The following ZNF846 variants were observed in gnomAD, a reference collection of about 807,000 sequenced individuals.
The protein encoded by ZNF846 is zinc finger protein 420 pseudogene.
ZNF846 carries 15 observed loss-of-function variants against 16.0 expected under a neutral mutation model. That is an observed-to-expected ratio of 0.94 (90% CI 0.63 to 1.45). The LOEUF (loss-of-function observed/expected upper bound fraction) is 1.45. Among genes scored for constraint, ZNF846 ranks in the 40% most tolerant of loss-of-function variants. The pLI, the probability that ZNF846 is intolerant of heterozygous loss-of-function variation, is 0.00. For missense variants in ZNF846, 714 were observed against 622.3 expected (o/e 1.15, Z -1.57); for synonymous variants, 229 against 212.0 (o/e 1.08, Z -0.70).
intron 1 of ZNF846, among the ~76,000 whole-genome samples, chr19:9,765,575 A>C (rs1441552641): frequency 6.6e-6 from 1 of 152,140 alleles, no homozygotes; most frequent in Non-Finnish European, 1.5e-5. Flanking sequence ...GGGGAGGCTG[A>C]GGAAACAGAA....
At chr19:9,752,373 C>G (rs1019862221) in exon 6 of ZNF846, 8 of 304,374 alleles carry the variant, frequency 2.6e-5, no homozygotes, top group Non-Finnish European at 6.8e-6. Flanking sequence ...TTTGGGAGGC[C>G]AAGGTGGGTG....
At chr19:9,757,657 C>T (rs1334710101) in exon 6 of ZNF846, 1 of 1,613,408 alleles carries the variant, frequency 6.2e-7, no homozygotes, top group East Asian at 2.2e-5. Context: ...GGCTTTTCTC[C>T]TGTGTGCGTT....
intron 1 of ZNF846, chr19:9,774,849 A>C: frequency 6.2e-7 from 1 of 1,610,000 alleles, no homozygotes; most frequent in Non-Finnish European, 8.5e-7. Flanking sequence ...CCCCAGCCCG[A>C]GCACCCGCTT....
intron 1 of ZNF846, among the ~76,000 whole-genome samples, chr19:9,777,656 T>A (rs374173907): frequency 1.4e-5 from 2 of 139,906 alleles, no homozygotes; most frequent in African/African-American, 6.0e-5. Flanking sequence ...GGCAACAAAG[T>A]GAGACTCTGT....
chr19:9,749,415 C>A (rs757909302), downstream of ZNF846, among the ~76,000 whole-genome samples: 2 of 152,108 alleles, frequency 1.3e-5, no homozygotes, highest in South Asian at 2.1e-4. Context: ...CCAGTTTACA[C>A]TTTTCCTCCA....
intron 2 of ZNF846, 171 bp downstream of exon 2, chr19:9,764,765 A>C: frequency 1.4e-6 from 1 of 729,524 alleles, no homozygotes. Flanking sequence ...CTTCCATTGC[A>C]ATCTCTGTAC....
At chr19:9,760,697 T>C (rs2045211624) in intron 4 of ZNF846, among the ~76,000 whole-genome samples, 1 of 150,878 alleles carries the variant, frequency 6.6e-6, no homozygotes, top group Non-Finnish European at 1.5e-5. Flanking sequence ...TGAGACTCTG[T>C]GTCAAAAAAG....
intron 1 of ZNF846, among the ~76,000 whole-genome samples, chr19:9,783,542 A>ATATAT (rs61553274): frequency 3.6e-3 from 421 of 118,250 alleles, no homozygotes; most frequent in African/African-American, 8.6e-3. Context: ...AAAAAAAAAA[A>ATATAT]AAATATATAT....
rs1288068221 is a variant in ZNF846 at position 9,765,128 on chromosome 19, T to C, written c.-85-93A>G. Reference sequence around the variant, plus strand: ...TGGCTCATGCCTGTAATCCCAGCACTTTGGGAGGCCAAGGTAGGCGAATCA... The same window carrying C: ...TGGCTCATGCCTGTAATCCCAGCACCTTGGGAGGCCAAGGTAGGCGAATCA... On this transcript the variant is annotated intron_variant, in intron 1 of 5. Coordinates refer to ENST00000397902, the Ensembl canonical transcript of ZNF846. The C allele has an allele frequency of 1.5e-6, 1 of 674,974 alleles. No individual in the cohort carries two copies. The highest frequency in any genetic ancestry group is 2.6e-6 in the Non-Finnish European group (1 of 384,284). 41.8% of individuals were successfully genotyped at this position (674,974 alleles called of 1,614,324 possible).
At chr19:9,752,239 G>A in exon 6 of ZNF846, 1 of 169,136 alleles carries the variant, frequency 5.9e-6, no homozygotes, top group South Asian at 1.2e-4. Flanking sequence ...ATTCATTAGG[G>A]CAAGTTCTTC....
chr19:9,754,801 ACAT>A (rs1252922090), downstream of ZNF846, among the ~76,000 whole-genome samples: 1 of 150,062 alleles, frequency 6.7e-6, no homozygotes, highest in East Asian at 1.9e-4. Context: ...TTTTTTAGTG[ACAT>A]CTTTTTTTCG....
chr19:9,762,130 A>G (rs777824303), exon 4 of ZNF846: 5 of 1,614,096 alleles, frequency 3.1e-6, no homozygotes, highest in Middle Eastern at 1.7e-4. Context: ...ATTTGTTCCA[A>G]TCCAGACATG....
In ZNF846 at chr19:9,757,926, TG is replaced by T; in HGVS notation, c.1150del (p.His384ThrfsTer2). 6.2e-7 allele frequency: 1 copy of T among 1,613,686 alleles called. No homozygotes were observed. The highest frequency in any genetic ancestry group is 8.5e-7 in the Non-Finnish European group (1 of 1,180,042). On this transcript the variant is annotated frameshift_variant, in exon 6 of 6. Coordinates refer to ENST00000397902, the Ensembl canonical transcript of ZNF846. LOFTEE classifies it low-confidence loss of function (END_TRUNC). ...CTTTTCTCCAGTATGTGTTCTCATG[TG>T]TAAAACAAGTCCTGAGGAACGAGTA...
chr19:9,752,663 CT>C (rs528278558), downstream of ZNF846, among the ~76,000 whole-genome samples: 84 of 140,458 alleles, frequency 6.0e-4, no homozygotes, highest in Middle Eastern at 3.8e-3. Flanking sequence ...AGTGATTTCC[CT>C]TTTTTTTTTT....
intron 1 of ZNF846, among the ~76,000 whole-genome samples, chr19:9,767,889 C>T (rs537166849): frequency 2.6e-5 from 4 of 152,148 alleles, no homozygotes; most frequent in South Asian, 2.1e-4. Context: ...GCCTATATCA[C>T]GCCATTGCAC....
At chr19:9,769,029 G>A (rs2045364716), upstream of ZNF846, among the ~76,000 whole-genome samples, 1 of 152,214 alleles carries the variant, frequency 6.6e-6, no homozygotes, top group South Asian at 2.1e-4. Context: ...CGTCACCTAA[G>A]GCTTCGATTG....
intron 1 of ZNF846, among the ~76,000 whole-genome samples, chr19:9,775,193 A>ATG (rs113690294): frequency 0.084 from 12,522 of 149,474 alleles, 564 homozygotes; most frequent in Non-Finnish European, 0.097. Context: ...GTGTATATAT[A>ATG]TGTGTGTGTG....
chr19:9,762,250 T>G, intron 3 of ZNF846, 82 bp from the exon 4 acceptor site: 1 of 1,027,188 alleles, frequency 9.7e-7, no homozygotes, highest in Non-Finnish European at 1.5e-6. Flanking sequence ...TACTTTTGCC[T>G]TCGGGGATTC....
At chr19:9,751,842 G>A (rs1380284694), downstream of ZNF846, among the ~76,000 whole-genome samples, 1 of 152,248 alleles carries the variant, frequency 6.6e-6, no homozygotes, top group East Asian at 1.9e-4. Context: ...AAACCTATAA[G>A]ACCAATGATA....
Sources: gnomAD v4.1 joint callset for allele counts (sites outside exome capture counted in the v4.1 genomes callset) on GRCh38, gnomAD v4.1.1 for gene constraint, MANE v1.5 for transcripts, NCBI Gene and HGNC (gene_info 2026-07-23, HGNC 2026-07-21) for gene names.